The following SEMA4A variants were observed in gnomAD, a reference collection of about 807,000 sequenced individuals.
SEMA4A encodes the protein semaphorin 4A.
A neutral mutation model predicts 72.5 loss-of-function variants in SEMA4A; 52 were observed. That is an observed-to-expected ratio of 0.72 (90% CI 0.57 to 0.90). The LOEUF (loss-of-function observed/expected upper bound fraction) is 0.90, where lower values mean the gene tolerates loss of function less well. Ranked by LOEUF, SEMA4A falls within the 40% of genes least tolerant of loss-of-function variation. The probability of loss-of-function intolerance (pLI) is 0.00; values close to 1 mark genes in which losing one functional copy is unlikely to be tolerated. For synonymous variants in SEMA4A, 369 were observed against 393.1 expected (o/e 0.94, Z 0.73); for missense variants, 926 against 959.7 (o/e 0.96, Z 0.46).
intron 11 of SEMA4A, 32 bp downstream of exon 11, chr1:156,173,038 G>A: frequency 6.2e-7 from 1 of 1,605,762 alleles, no homozygotes; most frequent in Non-Finnish European, 8.5e-7. Flanking sequence ...ATCCCCCAGA[G>A]GACTAGAGCA....
chr1:156,168,014 G>A (rs1331621775), intron 10 of SEMA4A, among the ~76,000 whole-genome samples: 3 of 147,664 alleles, frequency 2.0e-5, no homozygotes, highest in Non-Finnish European at 4.5e-5. Flanking sequence ...TCCACCTCTC[G>A]GCTTTAGGCA....
chr1:156,170,826 TAGG>T (rs994155766), intron 10 of SEMA4A, among the ~76,000 whole-genome samples: 1 of 146,514 alleles, frequency 6.8e-6, no homozygotes, highest in African/African-American at 2.5e-5. Context: ...GAGGCTAAGG[TAGG>T]AGGATGGCTT....
At chr1:156,163,525 C>T (rs1653877079) in intron 10 of SEMA4A, among the ~76,000 whole-genome samples, 1 of 151,938 alleles carries the variant, frequency 6.6e-6, no homozygotes, top group Non-Finnish European at 1.5e-5. Context: ...AGTTTGAGAA[C>T]AGCCTGGCTA....
chr1:156,154,097 C>A (rs1436142581), intron 1 of SEMA4A, among the ~76,000 whole-genome samples: 1 of 152,128 alleles, frequency 6.6e-6, no homozygotes, highest in Non-Finnish European at 1.5e-5. Flanking sequence ...GTCAACAGAT[C>A]TGAAAGTGAC....
chr1:156,169,441 A>T (rs1572415632), intron 10 of SEMA4A, among the ~76,000 whole-genome samples: 2 of 95,182 alleles, frequency 2.1e-5, no homozygotes, highest in East Asian at 3.0e-4. Context: ...TTTGAGACGG[A>T]GTCTTGCTCG....
intron 10 of SEMA4A, among the ~76,000 whole-genome samples, chr1:156,164,867 C>G (rs1654015522): frequency 6.6e-6 from 1 of 151,972 alleles, no homozygotes; most frequent in Non-Finnish European, 1.5e-5. Flanking sequence ...ATGGCGTGAT[C>G]TCGGCTCGCT....
Position 156,154,561 on chromosome 1 carries a change from G to A in SEMA4A, c.-18G>A. On this transcript the variant is annotated 5_prime_UTR_variant, in exon 2 of 15. Coordinates refer to ENST00000368285, the MANE Select transcript of SEMA4A (RefSeq NM_022367.4). ...GCCTGTTTCCCCAGAGCTCCCTGGT[G>A]ACAGTCTGTGGCTGAGCATGGCCCT... 6.2e-7 allele frequency: 1 copy of A among 1,606,890 alleles called. No individual in the cohort carries two copies. The highest frequency in any genetic ancestry group is 8.5e-7 in the Non-Finnish European group (1 of 1,178,818).
intron 10 of SEMA4A, among the ~76,000 whole-genome samples, chr1:156,171,986 A>G (rs1445048247): frequency 1.3e-5 from 2 of 151,890 alleles, no homozygotes; most frequent in Admixed American, 6.6e-5. Context: ...GGGTTTCACC[A>G]TGTTAGCCAG....
Position 156,175,175 on chromosome 1 carries a change from T to C in SEMA4A, c.1524T>C (p.Leu508=), listed in dbSNP as rs778114550. The change falls in exon 13 of 15, where the codon CTT becomes CTC. Residue 508 remains leucine (L), a synonymous_variant. Transcript: ENST00000368285. ...SVYESCVDCV[L]ARDPHCAWDP... ...ATGAGAGCTGTGTGGACTGTGTCCT[T>C]GCCCGGGACCCCCACTGTGCCTGGG... The C allele has an allele frequency of 1.2e-6, 2 of 1,614,160 alleles. No homozygotes were observed. Among genetic ancestry groups the C allele is most frequent in the Admixed American group, 3.3e-5 (2 of 60,028 alleles).
upstream of SEMA4A, among the ~76,000 whole-genome samples, chr1:156,149,390 G>A (rs754279939): frequency 2.6e-4 from 39 of 152,326 alleles, no homozygotes; most frequent in South Asian, 8.3e-4. Flanking sequence ...CTCAGAGGGT[G>A]TTAGCCACAG....
At chr1:156,161,127 G>A in intron 8 of SEMA4A, 98 bp downstream of exon 8, 1 of 1,330,362 alleles carries the variant, frequency 7.5e-7, no homozygotes, top group Non-Finnish European at 1.0e-6. Context: ...GAGAGCGGGG[G>A]AGCGGGGCGG....
At chr1:156,169,450 C>T (rs550368990) in intron 10 of SEMA4A, among the ~76,000 whole-genome samples, 15 of 118,744 alleles carry the variant, frequency 1.3e-4, no homozygotes, top group South Asian at 2.7e-4. Context: ...GAGTCTTGCT[C>T]GCTCAGTTGC....
At chr1:156,150,955 C>T (rs1652488355), upstream of SEMA4A, among the ~76,000 whole-genome samples, 1 of 152,044 alleles carries the variant, frequency 6.6e-6, no homozygotes, top group Non-Finnish European at 1.5e-5. Flanking sequence ...ATGACACGGC[C>T]CCTGTGGGCA....
At position 156,176,518 on chromosome 1, in the gene SEMA4A, TC is replaced by T. The variant is rs1655350638; in HGVS notation, c.1809del (p.Thr604LeufsTer9). Reference sequence around the variant, plus strand: ...CCCAGCAGCAGTCCCAGAAGCCTCTTCCACTGTCTACAATGGCTCCCTCTTG... The same window carrying T: ...CCCAGCAGCAGTCCCAGAAGCCTCTTCACTGTCTACAATGGCTCCCTCTTG... ...HGPAAVPEAS[S>X]TVYNGSLLLI... On this transcript the variant is annotated frameshift_variant, in exon 15 of 15. Coordinates refer to ENST00000368285, the MANE Select transcript of SEMA4A (RefSeq NM_022367.4). LOFTEE classifies it high-confidence loss of function. 6.2e-7 allele frequency: 1 copy of T among 1,614,168 alleles called. No individual in the cohort carries two copies. The highest frequency in any genetic ancestry group is 1.7e-5 in the Admixed American group (1 of 60,014).
At chr1:156,158,267 A>G in intron 4 of SEMA4A, 121 bp from the exon 5 acceptor site, 1 of 1,259,318 alleles carries the variant, frequency 7.9e-7, no homozygotes, top group Admixed American at 1.7e-5. Flanking sequence ...TATGTTCTAC[A>G]GAGGCGTACA....
At chr1:156,172,768 G>A in intron 10 of SEMA4A, 58 bp from the exon 11 acceptor site, 1 of 1,483,416 alleles carries the variant, frequency 6.7e-7, no homozygotes, top group Non-Finnish European at 9.4e-7. Flanking sequence ...GGCGTTGGAG[G>A]GAGGGTGAGC....
intron 7 of SEMA4A, 145 bp from the exon 8 acceptor site, chr1:156,160,760 C>A: frequency 8.1e-7 from 1 of 1,234,088 alleles, no homozygotes; most frequent in Non-Finnish European, 1.2e-6. Context: ...TCATCCCCAC[C>A]CCACATCGCT....
Position 156,177,374 on chromosome 1 carries a change from C to T in SEMA4A, c.*377C>T, listed in dbSNP as rs1655455477. 4 of 345,828 alleles carry T rather than the reference C, an allele frequency of 1.2e-5. No homozygotes were observed. Among genetic ancestry groups the T allele is most frequent in the South Asian group, 1.1e-4 (4 of 37,486 alleles). 21.4% of individuals were successfully genotyped at this position (345,828 alleles called of 1,614,324 possible). On this transcript the variant is annotated 3_prime_UTR_variant, in exon 15 of 15. Coordinates refer to ENST00000368285, the MANE Select transcript of SEMA4A (RefSeq NM_022367.4). ...TCCCAGGACCCTATGGTAATGAACA[C>T]CAAACATCTAAACAATCATATGCTA... is the stretch of plus-strand genomic sequence containing the variant.
At chr1:156,152,250 C>T (rs946065038), upstream of SEMA4A, among the ~76,000 whole-genome samples, 4 of 152,140 alleles carry the variant, frequency 2.6e-5, no homozygotes, top group Non-Finnish European at 5.9e-5. Flanking sequence ...AGAGGACGTC[C>T]GGAGTTGGGA....
Sources: gnomAD v4.1 joint callset for allele counts (sites outside exome capture counted in the v4.1 genomes callset) on GRCh38, gnomAD v4.1.1 for gene constraint, MANE v1.5 for transcripts, NCBI Gene and HGNC (gene_info 2026-07-23, HGNC 2026-07-21) for gene names.